Variants in SON observed in about 807,000 individuals in gnomAD.
The protein encoded by SON is SON DNA and RNA binding protein, also known as protein SON.
Under a neutral mutation model 173.3 loss-of-function variants are expected in SON, and 4 were observed. The ratio of observed to expected loss-of-function variants is 0.02; its 90% confidence interval spans 0.01 to 0.05. The LOEUF is 0.05. SON is among the 10% of genes least tolerant of loss of function. SON has a pLI of 1.00. For synonymous variants in SON, 1,190 were observed against 1,105.9 expected, an observed-to-expected ratio of 1.08 and a Z score of -1.51; for missense variants, 2,626 against 3,055.3, an observed-to-expected ratio of 0.86 and a Z score of 3.31.
In SON at chr21:33,550,493, C is replaced by A; in HGVS notation, c.1262C>A (p.Ser421Tyr). ...GTGCCAGAGTTGCCAGGGCCCCTTT[C>A]TACCCCAGTGCCTGAGTTGCCAGGG... ...TPVPELPGPL[S>Y]TPVPELPGPP... Residue 421 changes from serine to tyrosine, a missense_variant, in exon 3 of 12, where the codon TCT becomes TAT. This residue lies in a region of SON where 757 missense variants were observed against 730.1 expected (regional missense o/e 1.04). Coordinates refer to ENST00000356577, the MANE Select transcript of SON (RefSeq NM_138927.4). 1 of 1,613,420 alleles carries A rather than the reference C, an allele frequency of 6.2e-7. No individual in the cohort carries two copies. Among genetic ancestry groups the A allele is most frequent in the South Asian group, 1.1e-5 (1 of 91,038 alleles).
Position 33,549,673 on chromosome 21 carries a change from ATAGATT to A in SON, c.447_452del (p.Asp149_Leu150del), listed in dbSNP as rs748581176. ...GACGAAATCTCATGATGATGGGAACATAGATTTAGAATCTGATTCCTTTTTAAAGTT... is the reference window on the plus strand; with the variant it reads ...GACGAAATCTCATGATGATGGGAACATAGAATCTGATTCCTTTTTAAAGTT... On this transcript the variant is annotated inframe_deletion, in exon 3 of 12. Transcript: ENST00000356577. 1 of 1,612,332 alleles carries A rather than the reference ATAGATT, an allele frequency of 6.2e-7. No individual in the cohort carries two copies. The highest frequency in any genetic ancestry group is 1.3e-5 in the African/African-American group (1 of 74,848).
At chr21:33,544,019 GTC>G (rs921251303) in intron 1 of SON, among the ~76,000 whole-genome samples, 5 of 152,226 alleles carry the variant, frequency 3.3e-5, no homozygotes, top group Non-Finnish European at 5.9e-5. Flanking sequence ...TTCAGCGGTT[GTC>G]TCTCGATATT....
chr21:33,547,958 C>T (rs912449919), intron 2 of SON, among the ~76,000 whole-genome samples: 2 of 151,740 alleles, frequency 1.3e-5, no homozygotes, highest in Admixed American at 6.6e-5. Context: ...CTCCTGGCCT[C>T]GTGATCCACA....
rs765193644 is a variant in SON, at chr21:33,549,943, A to T, written c.712A>T (p.Met238Leu). ...TGTGGCAGTAATGCCAGAACCATCC[A>T]TGACAAAGATTCTGGATTCCTTTGC... ...QSVAVMPEPS[M>L]TKILDSFAAA... is the part of the protein sequence containing the mutation. The change falls in exon 3 of 12, where the codon ATG becomes TTG. Residue 238 changes from methionine to leucine, a missense_variant. Transcript: ENST00000356577. 3.1e-6 allele frequency: 5 copies of T among 1,614,202 alleles called. No individual in the cohort carries two copies. The South Asian group carries it at 4.4e-5, about 14-fold the overall frequency.
chr21:33,569,688 C>T (rs1270203604), intron 8 of SON: 3 of 437,566 alleles, frequency 6.9e-6, no homozygotes, highest in Non-Finnish European at 9.4e-6. Flanking sequence ...GGTTGGGAGG[C>T]CCTAGTATTA....
Position 33,573,290 on chromosome 21 carries a change from C to G in SON, c.6886-18C>G. 1 of 1,587,794 alleles carries G rather than the reference C, an allele frequency of 6.3e-7. No homozygotes were observed. Among genetic ancestry groups the G allele is most frequent in the South Asian group, 1.1e-5 (1 of 86,984 alleles). ...TAACTGTAAAATGGGGACATTTTAC[C>G]TTTCTTTCTTTGGATAGGATCAGTT... On this transcript the variant is annotated intron_variant, in intron 8 of 11. Transcript: ENST00000356577.
chr21:33,567,293 T>G (rs377761655), intron 7 of SON, 26 bp downstream of exon 7: 1 of 1,329,390 alleles, frequency 7.5e-7, no homozygotes, highest in East Asian at 2.3e-5. Flanking sequence ...TTAAAAAAAA[T>G]TATTATTTAC....
intron 6 of SON, among the ~76,000 whole-genome samples, chr21:33,562,405 A>G (rs1601282987): frequency 6.6e-6 from 1 of 152,318 alleles, no homozygotes; most frequent in Non-Finnish European, 1.5e-5. Flanking sequence ...TTTAATAAAT[A>G]TAAATGGAGT....
Position 33,559,925 on chromosome 21 carries a change from G to T in SON, c.6657+150G>T. On this transcript the variant is annotated intron_variant, in intron 6 of 11. Coordinates refer to ENST00000356577, the MANE Select transcript of SON (RefSeq NM_138927.4). The surrounding 1 kb of genome is among the most constrained non-coding windows in gnomAD (Gnocchi z 4.1). Reference sequence around the variant, plus strand: ...GGTTAGACGACAGATGAAACAACCCGCAGCTTCTCATTTGACAGTAACTCG... The same window carrying T: ...GGTTAGACGACAGATGAAACAACCCTCAGCTTCTCATTTGACAGTAACTCG... 5.0e-6 allele frequency: 8 copies of T among 1,612,904 alleles called. No homozygotes were observed. The highest frequency in any genetic ancestry group is 6.8e-6 in the Non-Finnish European group (8 of 1,179,074).
chr21:33,573,259 A>C, intron 8 of SON, 49 bp from the exon 9 acceptor site: 1 of 1,486,276 alleles, frequency 6.7e-7, no homozygotes, highest in Non-Finnish European at 9.2e-7. Context: ...ATCTGTCACC[A>C]AGTTCTAACT....
Position 33,555,403 on chromosome 21 carries a change from T to TA in SON, c.6160+15dup, listed in dbSNP as rs779771333. 19 of 1,502,208 alleles carry TA rather than the reference T, an allele frequency of 1.3e-5. No homozygotes were observed. The highest frequency in any genetic ancestry group is 1.6e-5 in the Non-Finnish European group (18 of 1,120,638). 93.1% of individuals were successfully genotyped at this position (1,502,208 alleles called of 1,614,324 possible). On this transcript the variant is annotated intron_variant, in intron 3 of 11. Transcript: ENST00000356577. ...TCTGACAGATTTGGGTGAGTCATTT[T>TA]AAAGTTTAATGGGATGGTAGTAGAA...
Position 33,554,679 on chromosome 21 carries a change from G to T in SON, c.5448G>T (p.Lys1816Asn). Residue 1816 changes from lysine to asparagine, a missense_variant, in exon 3 of 12, where the codon AAG (lysine) becomes AAT (asparagine). Coordinates refer to ENST00000356577, the MANE Select transcript of SON (RefSeq NM_138927.4). ...NKNRDKGEKE[K>N]KRDSSLRSRS... ...ACCGTGATAAGGGGGAGAAAGAGAA[G>T]AAAAGAGACTCTTCATTAAGATCTC... The T allele has an allele frequency of 2.5e-6, 4 of 1,613,892 alleles. No homozygotes were observed. Among genetic ancestry groups the T allele is most frequent in the Non-Finnish European group, 3.4e-6 (4 of 1,180,008 alleles).
Position 33,567,369 on chromosome 21 carries a change from T to C in SON, c.6768+102T>C, listed in dbSNP as rs758808136. The C allele has an allele frequency of 2.8e-5, 20 of 709,126 alleles. No individual in the cohort carries two copies. In the African/African-American group the frequency reaches 3.0e-4, roughly 11 times the overall value. 43.9% of individuals were successfully genotyped at this position (709,126 alleles called of 1,614,324 possible). A position where few individuals can be genotyped will look rare whatever the true frequency, so the allele number is the denominator to read the frequency against. Reference sequence around the variant, plus strand: ...AATAAGAATTTTGCTAACTAGATGGTTGAGTTGTAACATCCTTTACCTTAT... The same window carrying C: ...AATAAGAATTTTGCTAACTAGATGGCTGAGTTGTAACATCCTTTACCTTAT... On this transcript the variant is annotated intron_variant, in intron 7 of 11. Transcript: ENST00000356577.
chr21:33,551,235 C>G lies in SON; in HGVS notation c.2004C>G (p.Thr668=), dbSNP rs757329300. 1.2e-6 allele frequency: 2 copies of G among 1,614,036 alleles called. No homozygotes were observed. Among genetic ancestry groups the G allele is most frequent in the South Asian group, 2.2e-5 (2 of 91,082 alleles). ...VVTTSELSTM[T]VSQSLEVPST... The stretch of plus-strand genomic sequence containing the variant: ...CAACATCGGAGCTGTCAACGATGAC[C>G]GTGTCGCAGTCCCTGGAGGTGCCCT... Residue 668 remains threonine (T), a synonymous_variant, in exon 3 of 12, where the codon ACC becomes ACG. Coordinates refer to ENST00000356577, the MANE Select transcript of SON (RefSeq NM_138927.4).
chr21:33,556,309 A>G (rs572142014), intron 3 of SON, among the ~76,000 whole-genome samples: 58 of 152,352 alleles, frequency 3.8e-4, no homozygotes, highest in African/African-American at 1.4e-3. Flanking sequence ...CTGTCTAAAA[A>G]GGACAGAATG....
At position 33,560,250 on chromosome 21, in the gene SON, C is replaced by T. The variant is rs933480829; in HGVS notation, c.6657+475C>T. 6.1e-6 allele frequency: 9 copies of T among 1,479,544 alleles called. No homozygotes were observed. In the African/African-American group the frequency reaches 1.1e-4, roughly 19 times the overall value. 91.7% of individuals were successfully genotyped at this position (1,479,544 alleles called of 1,614,324 possible). ...AGCATCTTGGGTACATAGCCCATTGCCCTTAATGATGGTTTCTTACTGTTT... is the reference window on the plus strand; with the variant it reads ...AGCATCTTGGGTACATAGCCCATTGTCCTTAATGATGGTTTCTTACTGTTT... On this transcript the variant is annotated intron_variant, in intron 6 of 11. Coordinates refer to ENST00000356577, the MANE Select transcript of SON (RefSeq NM_138927.4).
At position 33,554,634 on chromosome 21, in the gene SON, A is replaced by G. The variant is rs1267961443; in HGVS notation, c.5403A>G (p.Glu1801=). 1.9e-6 allele frequency: 3 copies of G among 1,613,110 alleles called. No individual in the cohort carries two copies. Among genetic ancestry groups the G allele is most frequent in the East Asian group, 4.5e-5 (2 of 44,900 alleles). ...TTGTAAAAGTTAAGGACACTCACGA[A>G]AAAAGCAAGAAAAATAAGAACCGTG... ...EIFVKVKDTH[E]KSKKNKNRDK... Residue 1801 remains glutamate (E), a synonymous_variant, in exon 3 of 12, where the codon GAA becomes GAG. Transcript: ENST00000356577.
At chr21:33,561,577 A>C (rs1465340786) in intron 6 of SON, among the ~76,000 whole-genome samples, 2 of 152,164 alleles carry the variant, frequency 1.3e-5, no homozygotes, top group Admixed American at 6.5e-5. Context: ...CTTCGGTTCA[A>C]TCATGGGGAA....
rs942227303 is a variant in SON, at chr21:33,554,130, T to G, written c.4899T>G (p.Thr1633=). ...AATATGATGTTGATTTATCTTTAAC[T>G]ACTCAAGATACTGAACATGACATGG... ...VNKYDVDLSL[T]TQDTEHDMVI... The change falls in exon 3 of 12, where the codon ACT becomes ACG. Residue 1633 remains threonine (T), a synonymous_variant. Transcript: ENST00000356577. 5 of 1,613,446 alleles carry G rather than the reference T, an allele frequency of 3.1e-6. No homozygotes were observed. The highest frequency in any genetic ancestry group is 3.4e-6 in the Non-Finnish European group (4 of 1,179,472).
Sources: allele counts gnomAD v4.1 joint callset (sites outside exome capture counted in the v4.1 genomes callset), GRCh38; gene constraint gnomAD v4.1.1; regional missense constraint gnomAD v4.1.1; non-coding constraint Gnocchi (gnomAD v3.1); transcripts MANE v1.5; gene names NCBI Gene and HGNC (gene_info 2026-07-23, HGNC 2026-07-21).